The following IST1 variants were observed in gnomAD, a reference collection of about 807,000 sequenced individuals.
IST1 encodes IST1 factor associated with ESCRT-III, also known as IST1 homolog.
Under a neutral mutation model 37.0 loss-of-function variants are expected in IST1, and 23 were observed. The ratio of observed to expected loss-of-function variants is 0.62; its 90% CI spans 0.45 to 0.88. The LOEUF (loss-of-function observed/expected upper bound fraction) is 0.88. Ranked by LOEUF, IST1 falls within the 40% of genes least tolerant of loss-of-function variation. The pLI is 0.00. For missense variants in IST1, 488 were observed against 445.4 expected (o/e 1.10, Z -0.86); for synonymous variants, 180 against 161.7 (o/e 1.11, Z -0.86).
intron 1 of IST1, among the ~76,000 whole-genome samples, chr16:71,902,889 A>G (rs2037139150): frequency 6.6e-6 from 1 of 151,058 alleles, no homozygotes; most frequent in Non-Finnish European, 1.5e-5. Context: ...TTTTTCTTCT[A>G]TTTCATTGAT....
chr16:71,901,450 T>C (rs1480899047), intron 1 of IST1, among the ~76,000 whole-genome samples: 2 of 152,200 alleles, frequency 1.3e-5, no homozygotes, highest in African/African-American at 2.4e-5. Flanking sequence ...CCTGACCTCG[T>C]GATCCACCCA....
chr16:71,921,029 C>T, intron 5 of IST1: 1 of 624,040 alleles, frequency 1.6e-6, no homozygotes, highest in Non-Finnish European at 2.9e-6. Flanking sequence ...CCTGACTCCA[C>T]TTCCCCACTT....
intron 1 of IST1, among the ~76,000 whole-genome samples, chr16:71,911,194 T>C (rs539769366): frequency 1.1e-4 from 16 of 152,076 alleles, no homozygotes; most frequent in Non-Finnish European, 2.2e-4. Flanking sequence ...TGAGCGGTGA[T>C]TGCACCACTG....
chr16:71,922,317 C>T (rs1314895505), intron 6 of IST1, among the ~76,000 whole-genome samples, 157 bp from the exon 7 acceptor site: 1 of 152,202 alleles, frequency 6.6e-6, no homozygotes, highest in Non-Finnish European at 1.5e-5. Flanking sequence ...CCCAACTTCT[C>T]CTTCCACCTA....
Position 71,923,379 on chromosome 16 carries a change from C to G in IST1, c.851C>G (p.Ser284Cys). The part of the protein sequence containing the change: ...QIPATPPSYE[S>C]VDDINADKNI... ...CCAGCAACTCCCCCATCGTATGAAT[C>G]TGTAAGTGCCTGAGCCTCTTTTATA... is the stretch of plus-strand genomic sequence containing the variant. The change falls in exon 8 of 10, where the codon TCT becomes TGT. Residue 284 changes from serine (S) to cysteine (C), a missense_variant and splice_region_variant. Around this residue, in one of 2 missense-constraint regions of IST1, gnomAD observed 455 missense variants for 386.2 expected, o/e 1.18. Transcript: ENST00000378799. 6.3e-7 allele frequency: 1 copy of G among 1,583,124 alleles called. No individual in the cohort carries two copies. The highest frequency in any genetic ancestry group is 8.7e-7 in the Non-Finnish European group (1 of 1,152,198).
At chr16:71,925,041 C>G (rs1275059570) in intron 9 of IST1, among the ~76,000 whole-genome samples, 1 of 138,648 alleles carries the variant, frequency 7.2e-6, no homozygotes, top group Admixed American at 7.5e-5. Flanking sequence ...GAGATGGAGT[C>G]TTGCTCTGTT....
chr16:71,920,645 T>G, intron 4 of IST1, 94 bp from the exon 5 acceptor site: 1 of 817,264 alleles, frequency 1.2e-6, no homozygotes, highest in Non-Finnish European at 2.0e-6. Context: ...TTGGAAATCT[T>G]GTAATAGACG....
intron 4 of IST1, among the ~76,000 whole-genome samples, chr16:71,918,520 G>A (rs541823383): frequency 2.0e-5 from 3 of 151,318 alleles, no homozygotes; most frequent in East Asian, 2.0e-4. Context: ...GGGTTGAAGC[G>A]ATTCTTTTGC....
intron 1 of IST1, among the ~76,000 whole-genome samples, chr16:71,914,499 C>G (rs1227041407): frequency 6.6e-6 from 1 of 152,076 alleles, no homozygotes; most frequent in Non-Finnish European, 1.5e-5. Flanking sequence ...CTCCATCAAG[C>G]CAATGTCTCA....
In IST1 at chr16:71,924,831, A is replaced by C. The variant is rs369920481; in HGVS notation, c.901+14A>C. 4.4e-6 allele frequency: 7 copies of C among 1,574,782 alleles called. No homozygotes were observed. The East Asian group carries it at 1.6e-4, about 35-fold the overall frequency. On this transcript the variant is annotated intron_variant, in intron 9 of 9. Coordinates refer to ENST00000378799, the MANE Select transcript of IST1 (RefSeq NM_001270975.2). Reference sequence around the variant, plus strand: ...CACAGATTGTTGGTGAGTAGTATCAATCAGAAACCTGCAGAGCTCAGTGCT... The same window carrying C: ...CACAGATTGTTGGTGAGTAGTATCACTCAGAAACCTGCAGAGCTCAGTGCT...
chr16:71,895,708 C>A, intron 1 of IST1, 119 bp downstream of exon 1: 1 of 257,118 alleles, frequency 3.9e-6, no homozygotes, highest in Non-Finnish European at 6.1e-6. Context: ...GAGGGGGCAG[C>A]TGAGGAGAAA....
At chr16:71,901,505 G>C (rs1236001094) in intron 1 of IST1, among the ~76,000 whole-genome samples, 1 of 152,142 alleles carries the variant, frequency 6.6e-6, no homozygotes, top group East Asian at 1.9e-4. Flanking sequence ...GAGCCACCGC[G>C]CCCTGCGTAG....
intron 3 of IST1, among the ~76,000 whole-genome samples, 183 bp downstream of exon 3, chr16:71,916,825 G>T (rs1318235027): frequency 6.6e-6 from 1 of 152,132 alleles, no homozygotes; most frequent in Admixed American, 6.6e-5. Context: ...TTGAATCTTG[G>T]CTCGACCATT....
Position 71,930,018 on chromosome 16 carries a change from T to C in IST1, c.*2205T>C, listed in dbSNP as rs551986215. The stretch of plus-strand genomic sequence containing the variant: ...TTACAGTGGAGCTTTCCCAGTGATA[T>C]AACAGCATGCTAGTTTATCTTTTAG... On this transcript the variant is annotated 3_prime_UTR_variant, in exon 10 of 10. Coordinates refer to ENST00000378799, the MANE Select transcript of IST1 (RefSeq NM_001270975.2). 34 of 1,535,622 alleles carry C rather than the reference T, an allele frequency of 2.2e-5. No homozygotes were observed. The highest frequency in any genetic ancestry group is 2.2e-4 in the East Asian group (9 of 40,810).
In IST1 at chr16:71,917,027, TA is replaced by T; in HGVS notation, c.270-18del. On this transcript the variant is annotated intron_variant, in intron 3 of 9. Transcript: ENST00000378799. ...TGGTTTGTTTTAAAGAATGTTATATTAATTTTTTTCCTTGATTAGGGAACTA... is the reference window on the plus strand; with the variant it reads ...TGGTTTGTTTTAAAGAATGTTATATTATTTTTTTCCTTGATTAGGGAACTA... The T allele has an allele frequency of 6.6e-7, 1 of 1,519,982 alleles. No homozygotes were observed. The highest frequency in any genetic ancestry group is 9.0e-7 in the Non-Finnish European group (1 of 1,105,224). 94.2% of individuals were successfully genotyped at this position (1,519,982 alleles called of 1,614,324 possible).
At chr16:71,897,229 C>T (rs1737484080) in intron 1 of IST1, among the ~76,000 whole-genome samples, 1 of 150,514 alleles carries the variant, frequency 6.6e-6, no homozygotes, top group African/African-American at 2.4e-5. Flanking sequence ...TTAATGTTGC[C>T]CAGACTGGTC....
At chr16:71,908,203 A>G (rs1444684222) in intron 1 of IST1, among the ~76,000 whole-genome samples, 9 of 151,024 alleles carry the variant, frequency 6.0e-5, no homozygotes, top group Non-Finnish European at 3.0e-5. Context: ...CTGCCTCCCA[A>G]AGTGCTGGGA....
At chr16:71,916,418 A>C (rs2037467562) in intron 2 of IST1, 44 bp from the exon 3 acceptor site, 2 of 1,595,330 alleles carry the variant, frequency 1.3e-6, no homozygotes, top group African/African-American at 2.7e-5. Flanking sequence ...GGCCAGATGC[A>C]AGTGCTCTAC....
chr16:71,916,626 C>G lies in IST1; in HGVS notation c.253C>G (p.Leu85Val), dbSNP rs774352949. Residue 85 changes from leucine (L) to valine (V), a missense_variant, in exon 3 of 10, where the codon CTT becomes GTT. Around this residue, in one of 2 missense-constraint regions of IST1, gnomAD observed 455 missense variants for 386.2 expected, o/e 1.18. Transcript: ENST00000378799. ...TGACCTGCTGCTGGCTCGGTTTGGCCTTATCCAGTCTATGAAGTAAGATAT... is the reference window on the plus strand; with the variant it reads ...TGACCTGCTGCTGGCTCGGTTTGGCGTTATCCAGTCTATGAAGTAAGATAT... ...YCDLLLARFG[L>V]IQSMKELDSG... is the part of the protein sequence containing the mutation. 12 of 1,612,910 alleles carry G rather than the reference C, an allele frequency of 7.4e-6. No homozygotes were observed. The highest frequency in any genetic ancestry group is 1.3e-5 in the African/African-American group (1 of 74,878).
Sources: gnomAD v4.1 joint callset for allele counts (sites outside exome capture counted in the v4.1 genomes callset) on GRCh38, gnomAD v4.1.1 for gene constraint, gnomAD v4.1.1 regional missense constraint, MANE v1.5 for transcripts, NCBI Gene and HGNC (gene_info 2026-07-23, HGNC 2026-07-21) for gene names.